The following CACNA2D4 variants were observed in gnomAD, a reference collection of about 807,000 sequenced individuals.
The protein encoded by CACNA2D4 is voltage-dependent calcium channel subunit alpha-2/delta-4.
CACNA2D4 carries 157 observed loss-of-function variants against 163.8 expected under a neutral mutation model. The ratio of observed to expected loss-of-function variants is 0.96; its 90% CI spans 0.84 to 1.09. The LOEUF is 1.09. Ranked by LOEUF, CACNA2D4 falls within the 50% of genes least tolerant of loss-of-function variation. The pLI is 0.00. For synonymous variants in CACNA2D4, 598 were observed against 586.9 expected (o/e 1.02, Z -0.27); for missense variants, 1,410 against 1,479.9 (o/e 0.95, Z 0.78).
At chr12:1,797,585 G>C (rs375892830) in intron 34 of CACNA2D4, 50 bp from the exon 35 acceptor site, 492 of 1,400,118 alleles carry the variant, frequency 3.5e-4, no homozygotes, top group Non-Finnish European at 4.5e-4. Flanking sequence ...TCTGGCCTGC[G>C]GTGACCTCGC....
At chr12:1,823,445 G>T (rs1248923309) in intron 26 of CACNA2D4, among the ~76,000 whole-genome samples, 3 of 152,098 alleles carry the variant, frequency 2.0e-5, no homozygotes, top group Non-Finnish European at 4.4e-5. Flanking sequence ...TGAGGGGGCC[G>T]AGTGGGGTGC....
Position 1,853,968 on chromosome 12 carries a change from C to G in CACNA2D4, c.2229G>C (p.Leu743=). The G allele has an allele frequency of 6.2e-7, 1 of 1,613,374 alleles. No homozygotes were observed. Among genetic ancestry groups the G allele is most frequent in the Non-Finnish European group, 8.5e-7 (1 of 1,179,592 alleles). ...GGACCTACTCGGACATGTTGAGGGCCAGCGCTGTCCAGTAGGCTTCCATGG... is the reference window on the plus strand; with the variant it reads ...GGACCTACTCGGACATGTTGAGGGCGAGCGCTGTCCAGTAGGCTTCCATGG... The part of the protein sequence containing the change: ...TAPMEAYWTA[L]ALNMSEESEH... Residue 743 remains leucine (L), a synonymous_variant, in exon 23 of 38, where the codon CTG becomes CTC. Transcript: ENST00000382722.
chr12:1,882,216 GGT>G (rs1385524922), intron 13 of CACNA2D4, among the ~76,000 whole-genome samples: 1 of 152,178 alleles, frequency 6.6e-6, no homozygotes, highest in Non-Finnish European at 1.5e-5. Flanking sequence ...GAGAGCTCGT[GGT>G]CAGCTCTGGG....
At chr12:1,870,630 G>A (rs926429064) in intron 18 of CACNA2D4, among the ~76,000 whole-genome samples, 8 of 151,742 alleles carry the variant, frequency 5.3e-5, no homozygotes, top group African/African-American at 1.5e-4. Context: ...TTTGTTTTTT[G>A]TATTTTGTTC....
chr12:1,805,034 C>A (rs541631089), intron 29 of CACNA2D4, among the ~76,000 whole-genome samples: 44 of 152,300 alleles, frequency 2.9e-4, no homozygotes, highest in Middle Eastern at 6.8e-3. Flanking sequence ...ATTTAGGAGC[C>A]CCAGACCGCC....
intron 18 of CACNA2D4, among the ~76,000 whole-genome samples, chr12:1,861,907 C>A (rs1865533419): frequency 1.3e-5 from 2 of 152,356 alleles, no homozygotes; most frequent in Non-Finnish European, 2.9e-5. Flanking sequence ...CCATCCCACT[C>A]CTTCACAGGC....
At chr12:1,868,744 C>T (rs751519564) in intron 18 of CACNA2D4, among the ~76,000 whole-genome samples, 37 of 152,060 alleles carry the variant, frequency 2.4e-4, no homozygotes, top group Non-Finnish European at 2.1e-4. Flanking sequence ...AGTTGGTCCT[C>T]CCATATCCAC....
Position 1,834,710 on chromosome 12 carries a change from T to C in CACNA2D4, c.2551+6029A>G. On this transcript the variant is annotated intron_variant, in intron 26 of 37. Coordinates refer to ENST00000382722, the MANE Select transcript of CACNA2D4 (RefSeq NM_172364.5). The surrounding 1 kb of genome is among the most constrained non-coding windows in gnomAD (Gnocchi z 7.6). ...GCACGAGGACCAGAAGCAGATCTCT[T>C]CTGTGGCCTGAGCGCCCATCCCCAC... The C allele has an allele frequency of 6.3e-7, 1 of 1,593,192 alleles. No homozygotes were observed. The highest frequency in any genetic ancestry group is 1.3e-5 in the African/African-American group (1 of 74,716).
intron 4 of CACNA2D4, among the ~76,000 whole-genome samples, chr12:1,908,273 C>A (rs897281999): frequency 2.0e-5 from 3 of 152,338 alleles, no homozygotes; most frequent in Middle Eastern, 3.4e-3. Context: ...GTTGTCCTGA[C>A]CGCTGCCTCA....
chr12:1,831,260 G>C, intron 26 of CACNA2D4: 1 of 1,613,774 alleles, frequency 6.2e-7, no homozygotes, highest in Non-Finnish European at 8.5e-7. Flanking sequence ...TCAGGACCCT[G>C]GACAGGGACC....
chr12:1,827,865 G>A (rs556626128), intron 26 of CACNA2D4: 7 of 374,756 alleles, frequency 1.9e-5, no homozygotes, highest in African/African-American at 2.1e-5. Context: ...CCCGACCCTC[G>A]GGCTCCTGGA....
chr12:1,795,014 G>A, intron 37 of CACNA2D4: 1 of 559,054 alleles, frequency 1.8e-6, no homozygotes, highest in Non-Finnish European at 3.2e-6. Context: ...AGGAACCAGG[G>A]ACTAAGACCA....
chr12:1,827,870 C>A (rs969862582), intron 26 of CACNA2D4: 2 of 380,716 alleles, frequency 5.3e-6, no homozygotes, highest in African/African-American at 4.1e-5. Context: ...CCCTCGGGCT[C>A]CTGGAAAGCC....
At position 1,831,068 on chromosome 12, in the gene CACNA2D4, C is replaced by T. The variant is rs375383982; in HGVS notation, c.2551+9671G>A. 1.1e-4 allele frequency: 171 copies of T among 1,614,030 alleles called. No individual in the cohort carries two copies. The Middle Eastern group carries it at 2.0e-3, about 19-fold the overall frequency. On this transcript the variant is annotated intron_variant, in intron 26 of 37. Transcript: ENST00000382722. ...TCACCACGGTGCCCCCAGACGTGCCCGCAGCCACCCGAACCCTCTTGCTCT... is the reference window on the plus strand; with the variant it reads ...TCACCACGGTGCCCCCAGACGTGCCTGCAGCCACCCGAACCCTCTTGCTCT...
In CACNA2D4 at chr12:1,802,676, T is replaced by C. The variant is rs1224739693; in HGVS notation, c.2722-1032A>G. Among the ~76,000 whole-genome samples the C allele has an allele frequency of 6.6e-6, 1 of 152,214 alleles. No homozygotes were observed. Among genetic ancestry groups the C allele is most frequent in the East Asian group, 1.9e-4 (1 of 5,204 alleles). ...CCGGCGTGTGGCTCCCAGTAAATAC[T>C]TGAAAAATGGCAGCCATCGTTAGGA... On this transcript the variant is annotated intron_variant, in intron 29 of 37. Transcript: ENST00000382722. This position sits in a 1 kb window ranked among gnomAD's most constrained non-coding sequence, Gnocchi z 4.7.
At chr12:1,827,991 A>G (rs941711992) in intron 26 of CACNA2D4, 9 of 525,398 alleles carry the variant, frequency 1.7e-5, no homozygotes, top group Admixed American at 3.7e-5. Flanking sequence ...AGGAGTGTAA[A>G]GAGACACCCG....
At chr12:1,839,433 G>C (rs765600864) in intron 26 of CACNA2D4, among the ~76,000 whole-genome samples, 1 of 152,276 alleles carries the variant, frequency 6.6e-6, no homozygotes, top group African/African-American at 2.4e-5. Context: ...AAAGTCAGGA[G>C]AAGCTTGTGA....
At chr12:1,908,598 C>A (rs867569657) in intron 4 of CACNA2D4, among the ~76,000 whole-genome samples, 10 of 152,090 alleles carry the variant, frequency 6.6e-5, no homozygotes, top group Non-Finnish European at 1.3e-4. Flanking sequence ...CACCTGAACA[C>A]CCCCCAGGAC....
rs372088315 is a variant in CACNA2D4, at chr12:1,838,924, G to A, written c.2551+1815C>T. ...GTGTGCCCTGGGCCCAGGGAAGCAC[G>A]GCAGCCAGGCGGGCACAAATCCCTT... On this transcript the variant is annotated intron_variant, in intron 26 of 37. Transcript: ENST00000382722. 3.3e-4 allele frequency among the ~76,000 whole-genome samples: 50 copies of A among 152,312 alleles called. 1 individual carries two copies. Among genetic ancestry groups the A allele is most frequent in the South Asian group, 1.0e-3 (5 of 4,822 alleles).
Sources: gnomAD v4.1 joint callset for allele counts (sites outside exome capture counted in the v4.1 genomes callset) on GRCh38, gnomAD v4.1.1 for gene constraint, Gnocchi (gnomAD v3.1) non-coding constraint, MANE v1.5 for transcripts, NCBI Gene and HGNC (gene_info 2026-07-23, HGNC 2026-07-21) for gene names.